ATP9A: variants seen among roughly 807,000 people sequenced by gnomAD.
ATP9A encodes ATPase phospholipid transporting 9A.
A neutral mutation model predicts 144.1 loss-of-function variants in ATP9A; 52 were observed. The observed-to-expected ratio is 0.36, with a 90% CI of 0.29 to 0.45. The LOEUF (loss-of-function observed/expected upper bound fraction) is 0.45. ATP9A is among the 20% of genes least tolerant of loss of function. ATP9A has a pLI of 1.00. For missense variants in ATP9A, 947 were observed against 1,392.7 expected, an observed-to-expected ratio of 0.68 and a Z score of 5.09; for synonymous variants, 582 against 557.4, an observed-to-expected ratio of 1.04 and a Z score of -0.62.
intron 1 of ATP9A, among the ~76,000 whole-genome samples, chr20:51,741,075 T>C (rs1232739804): frequency 6.6e-6 from 1 of 151,934 alleles, no homozygotes; most frequent in East Asian, 1.9e-4. Flanking sequence ...TAATTAAAAA[T>C]TAAAAATTCC....
intron 1 of ATP9A, among the ~76,000 whole-genome samples, chr20:51,741,438 G>A (rs186531925): frequency 4.7e-4 from 72 of 152,232 alleles, no homozygotes; most frequent in Non-Finnish European, 3.1e-4. Context: ...TTAGCCAGGC[G>A]TGGTGGCGCA....
intron 13 of ATP9A, 78 bp downstream of exon 13, chr20:51,669,919 T>C: frequency 1.0e-6 from 1 of 987,668 alleles, no homozygotes; most frequent in South Asian, 1.3e-5. Context: ...TGTACGGTAT[T>C]GTGAATTACA....
intron 23 of ATP9A, among the ~76,000 whole-genome samples, chr20:51,610,914 C>T (rs563994624): frequency 1.9e-3 from 287 of 152,266 alleles, no homozygotes; most frequent in Admixed American, 3.8e-3. Context: ...CAAACCCTCG[C>T]GGAAATGTCT....
intron 15 of ATP9A, among the ~76,000 whole-genome samples, chr20:51,632,614 C>T (rs1336986293): frequency 1.3e-5 from 2 of 152,104 alleles, no homozygotes; most frequent in African/African-American, 2.4e-5. Context: ...CAGACATTCT[C>T]GAATGCCCCC....
intron 13 of ATP9A, among the ~76,000 whole-genome samples, chr20:51,659,677 A>C (rs1245137526): frequency 6.6e-6 from 1 of 152,218 alleles, no homozygotes; most frequent in African/African-American, 2.4e-5. Context: ...ATCCTTTAAA[A>C]TGAGTCGCAC....
chr20:51,751,252 G>GT (rs1160458034), intron 1 of ATP9A, among the ~76,000 whole-genome samples: 1,944 of 131,536 alleles, frequency 0.015, 17 homozygotes, highest in Non-Finnish European at 0.023. Flanking sequence ...ACGTTTCTGG[G>GT]TTTTTTTTGT....
At chr20:51,762,285 G>A (rs1406511732) in intron 1 of ATP9A, among the ~76,000 whole-genome samples, 1 of 152,108 alleles carries the variant, frequency 6.6e-6, no homozygotes, top group East Asian at 1.9e-4. Flanking sequence ...CGGATCATGA[G>A]GTCAAGAGAT....
At chr20:51,739,504 A>C (rs1307783112) in intron 1 of ATP9A, among the ~76,000 whole-genome samples, 1 of 151,816 alleles carries the variant, frequency 6.6e-6, no homozygotes, top group African/African-American at 2.4e-5. Flanking sequence ...GGCACCCGCC[A>C]CCATGCCCGG....
At chr20:51,675,820 C>T (rs1342296254) in intron 10 of ATP9A, among the ~76,000 whole-genome samples, 1 of 148,080 alleles carries the variant, frequency 6.8e-6, no homozygotes, top group Non-Finnish European at 1.5e-5. Context: ...GCAGAGGTTA[C>T]AGTGAGCCAA....
At chr20:51,684,895 C>T (rs1207159457) in intron 9 of ATP9A, among the ~76,000 whole-genome samples, 14 of 150,762 alleles carry the variant, frequency 9.3e-5, no homozygotes, top group African/African-American at 2.4e-4. Flanking sequence ...CCTGTAGTCC[C>T]GGCTACTAGG....
At position 51,608,695 on chromosome 20, in the gene ATP9A, C is replaced by T. The variant is rs543004858; in HGVS notation, c.2637-69G>A. ...AGGAGCTATGTGCTGTGCCAGCCTC[C>T]GGCACCCAAGTCCCAACCATGCCTC... is the stretch of plus-strand genomic sequence containing the variant. On this transcript the variant is annotated intron_variant, in intron 24 of 27. Coordinates refer to ENST00000338821, the MANE Select transcript of ATP9A (RefSeq NM_006045.3). 322 of 1,003,822 alleles carry T rather than the reference C, an allele frequency of 3.2e-4. 1 individual carries two copies. In the African/African-American group the frequency reaches 4.5e-3, roughly 14 times the overall value. 62.2% of individuals were successfully genotyped at this position (1,003,822 alleles called of 1,614,324 possible). A position where few individuals can be genotyped will look rare whatever the true frequency, so the allele number is the denominator to read the frequency against.
At chr20:51,751,504 C>T (rs997538209) in intron 1 of ATP9A, among the ~76,000 whole-genome samples, 1 of 152,080 alleles carries the variant, frequency 6.6e-6, no homozygotes, top group African/African-American at 2.4e-5. Context: ...TTAAGAAATC[C>T]TCCCACCTCC....
At chr20:51,657,439 G>A (rs771250470) in intron 13 of ATP9A, among the ~76,000 whole-genome samples, 23 of 152,136 alleles carry the variant, frequency 1.5e-4, no homozygotes, top group Non-Finnish European at 2.9e-4. Context: ...GGGTGGTGTC[G>A]GGGGCTTTTG....
chr20:51,690,683 T>C (rs2077544533), intron 8 of ATP9A, 56 bp downstream of exon 8: 10 of 1,453,896 alleles, frequency 6.9e-6, no homozygotes, highest in Non-Finnish European at 9.7e-6. Context: ...TTGGCCTTCA[T>C]TTCATCCCTT....
intron 1 of ATP9A, among the ~76,000 whole-genome samples, chr20:51,744,190 G>C (rs1238489160): frequency 6.6e-6 from 1 of 151,984 alleles, no homozygotes; most frequent in Non-Finnish European, 1.5e-5. Context: ...TTTTGAGACA[G>C]GGTCTCACTC....
At chr20:51,761,742 A>G (rs2077881741) in intron 1 of ATP9A, among the ~76,000 whole-genome samples, 1 of 151,804 alleles carries the variant, frequency 6.6e-6, no homozygotes. Flanking sequence ...CCTGGGCGAC[A>G]GAGCGAGACT....
At chr20:51,627,817 C>T (rs1390876801) in intron 16 of ATP9A, 134 bp from the exon 17 acceptor site, 1 of 741,514 alleles carries the variant, frequency 1.3e-6, no homozygotes, top group East Asian at 2.5e-5. Flanking sequence ...TTGCTTTCCC[C>T]TACGGCAATC....
Position 51,744,989 on chromosome 20 carries a change from G to C in ATP9A, c.69-15011C>G, listed in dbSNP as rs527627456. 3.3e-5 allele frequency among the ~76,000 whole-genome samples: 5 copies of C among 152,086 alleles called. No homozygotes were observed. In the East Asian group the frequency reaches 9.6e-4, roughly 29 times the overall value. ...TACTAAAAATATAAAAATTAGCTGG[G>C]CATGGGCCGGGTGCAGTGGCTGACT... On this transcript the variant is annotated intron_variant, in intron 1 of 27. Coordinates refer to ENST00000338821, the MANE Select transcript of ATP9A (RefSeq NM_006045.3).
rs771774121 is a variant in ATP9A at position 51,694,118 on chromosome 20, G to A, written c.548-16C>T. On this transcript the variant is annotated splice_polypyrimidine_tract_variant and intron_variant, in intron 6 of 27. Coordinates refer to ENST00000338821, the MANE Select transcript of ATP9A (RefSeq NM_006045.3). ...AAGCATGACCCTGTGGAAGGAAGTC[G>A]GGTGCCGTCACCTGCACCTCAAGCA... 77 of 1,610,792 alleles carry A rather than the reference G, an allele frequency of 4.8e-5. No homozygotes were observed. Among genetic ancestry groups the A allele is most frequent in the Admixed American group, 6.7e-5 (4 of 59,924 alleles).
Sources: allele counts gnomAD v4.1 joint callset (sites outside exome capture counted in the v4.1 genomes callset), GRCh38; gene constraint gnomAD v4.1.1; transcripts MANE v1.5; gene names NCBI Gene and HGNC (gene_info 2026-07-23, HGNC 2026-07-21).